The following NFATC1 variants were observed in gnomAD, a reference collection of about 807,000 sequenced individuals.
NFATC1 encodes the protein nuclear factor of activated T cells 1, also known as nuclear factor of activated T-cells, cytoplasmic 1.
In NFATC1, 22 loss-of-function variants were observed where a neutral mutation model predicts 76.0. The observed-to-expected ratio is 0.29, with a 90% confidence interval of 0.21 to 0.41. The LOEUF is 0.41. Ranked by LOEUF, NFATC1 falls within the 10% of genes least tolerant of loss-of-function variation. NFATC1 has a pLI of 1.00. For synonymous variants in NFATC1, 704 were observed against 613.1 expected, an observed-to-expected ratio of 1.15 and a Z score of -2.19; for missense variants, 1,357 against 1,337.7, an observed-to-expected ratio of 1.01 and a Z score of -0.23.
chr18:79,423,014 T>C (rs1451897861), intron 2 of NFATC1, among the ~76,000 whole-genome samples: 1 of 149,766 alleles, frequency 6.7e-6, no homozygotes, highest in Non-Finnish European at 1.5e-5. Context: ...GTGGGGACAG[T>C]GTTGGGGGCT....
chr18:79,407,988 G>A (rs886988242), intron 1 of NFATC1, among the ~76,000 whole-genome samples: 1 of 106,702 alleles, frequency 9.4e-6, no homozygotes, highest in African/African-American at 3.1e-5. Context: ...TCGCAGCTCT[G>A]TTTCTTTTCT....
intron 8 of NFATC1, among the ~76,000 whole-genome samples, chr18:79,476,784 G>A (rs895506746): frequency 2.4e-4 from 36 of 152,234 alleles, no homozygotes; most frequent in African/African-American, 8.2e-4. Context: ...GTTAGCCACG[G>A]TTGTCAGCCT....
intron 3 of NFATC1, among the ~76,000 whole-genome samples, chr18:79,436,770 G>T (rs1197519107): frequency 6.6e-6 from 1 of 152,030 alleles, no homozygotes; most frequent in Non-Finnish European, 1.5e-5. Flanking sequence ...GCGCTGAGGG[G>T]CGTGAGGGGG....
chr18:79,404,319 A>G (rs1376544665), intron 1 of NFATC1, among the ~76,000 whole-genome samples: 2 of 152,136 alleles, frequency 1.3e-5, no homozygotes, highest in African/African-American at 2.4e-5. Context: ...GCCTTTGTAA[A>G]TCTTTCTCGC....
intron 8 of NFATC1, chr18:79,469,459 C>G (rs1444111510): frequency 1.0e-6 from 1 of 985,354 alleles, no homozygotes; most frequent in Non-Finnish European, 1.2e-6. Context: ...ACCGTGGCCA[C>G]AGCATGAAGC....
intron 1 of NFATC1, among the ~76,000 whole-genome samples, chr18:79,401,233 C>T (rs1361168814): frequency 6.6e-6 from 1 of 151,632 alleles, no homozygotes; most frequent in African/African-American, 2.4e-5. Context: ...CTGTCTGTGC[C>T]CATTCTCAAG....
intron 9 of NFATC1, among the ~76,000 whole-genome samples, chr18:79,525,988 A>G (rs1240043115): frequency 1.3e-5 from 2 of 152,222 alleles, no homozygotes; most frequent in Admixed American, 6.5e-5. Flanking sequence ...GGGCCGCTGC[A>G]CTCAGCAGCA....
intron 2 of NFATC1, 109 bp from the exon 3 acceptor site, chr18:79,433,470 C>G: frequency 7.6e-7 from 1 of 1,310,422 alleles, no homozygotes; most frequent in Non-Finnish European, 1.1e-6. Context: ...AGGACGTGCA[C>G]TCGCCGATGA....
intron 4 of NFATC1, 41 bp downstream of exon 4, chr18:79,449,025 A>G (rs776468971): frequency 1.9e-6 from 3 of 1,598,514 alleles, no homozygotes; most frequent in Non-Finnish European, 2.6e-6. Context: ...AGGGGGCGGT[A>G]GGAGGGGGCG....
intron 2 of NFATC1, among the ~76,000 whole-genome samples, chr18:79,430,547 T>G (rs921386182): frequency 1.3e-5 from 2 of 152,204 alleles, no homozygotes; most frequent in African/African-American, 4.8e-5. Context: ...CATGCCCAGC[T>G]AATTTTTGTA....
At chr18:79,405,343 C>T (rs1396247706) in intron 1 of NFATC1, among the ~76,000 whole-genome samples, 3 of 152,252 alleles carry the variant, frequency 2.0e-5, no homozygotes, top group Admixed American at 1.3e-4. Flanking sequence ...ACACGGCAGC[C>T]AGGGAGTGGG....
chr18:79,467,240 T>C (rs1160119779), intron 7 of NFATC1, among the ~76,000 whole-genome samples: 1 of 151,590 alleles, frequency 6.6e-6, no homozygotes, highest in Non-Finnish European at 1.5e-5. Flanking sequence ...ATCAGCTGCT[T>C]CTGGACCGCC....
At chr18:79,404,950 A>G (rs2085384782) in intron 1 of NFATC1, among the ~76,000 whole-genome samples, 1 of 152,254 alleles carries the variant, frequency 6.6e-6, no homozygotes, top group Admixed American at 6.5e-5. Flanking sequence ...GTGGTTGTTC[A>G]GAAACGAGAA....
At chr18:79,512,671 GGTCT>G (rs2090285323) in intron 9 of NFATC1, among the ~76,000 whole-genome samples, 1 of 152,210 alleles carries the variant, frequency 6.6e-6, no homozygotes, top group Non-Finnish European at 1.5e-5. Context: ...GCTGAGCCGT[GGTCT>G]GTCCACCTGG....
chr18:79,517,784 A>G (rs2090419560), intron 9 of NFATC1, among the ~76,000 whole-genome samples: 1 of 152,240 alleles, frequency 6.6e-6, no homozygotes, highest in Non-Finnish European at 1.5e-5. Context: ...TGGAACTAAC[A>G]TAACCATTGA....
intron 3 of NFATC1, among the ~76,000 whole-genome samples, chr18:79,446,907 G>C (rs182453414): frequency 1.1e-4 from 16 of 152,338 alleles, no homozygotes; most frequent in Non-Finnish European, 2.1e-4. Context: ...CTGGCTTTGT[G>C]TTTCAGACCC....
At chr18:79,496,026 C>T (rs931892491) in intron 9 of NFATC1, 9 of 152,430 alleles carry the variant, frequency 5.9e-5, no homozygotes, top group African/African-American at 1.7e-4. Flanking sequence ...GCGGGTGTGT[C>T]GCTGTGACGC....
intron 9 of NFATC1, among the ~76,000 whole-genome samples, chr18:79,504,375 CAG>C (rs2090078537): frequency 6.6e-6 from 1 of 152,166 alleles, no homozygotes; most frequent in African/African-American, 2.4e-5. Context: ...GGTTGTGTCT[CAG>C]GGAATAGGGA....
intron 9 of NFATC1, among the ~76,000 whole-genome samples, chr18:79,495,770 C>T (rs938218360): frequency 1.8e-4 from 27 of 152,186 alleles, no homozygotes; most frequent in Non-Finnish European, 3.7e-4. Context: ...AAGGCGTTCG[C>T]GAGTCATTGT....
Sources: allele counts gnomAD v4.1 joint callset (sites outside exome capture counted in the v4.1 genomes callset), GRCh38; gene constraint gnomAD v4.1.1; transcripts MANE v1.5; gene names NCBI Gene and HGNC (gene_info 2026-07-23, HGNC 2026-07-21).